The following TMEM74 variants were observed in gnomAD, a reference collection of about 807,000 sequenced individuals.
The protein encoded by TMEM74 is transmembrane protein 74.
Under a neutral mutation model 18.1 loss-of-function variants are expected in TMEM74, and 13 were observed. The ratio of observed to expected loss-of-function variants is 0.72; its 90% CI spans 0.47 to 1.14. The LOEUF (loss-of-function observed/expected upper bound fraction) is 1.14. TMEM74 is among the 50% of genes most tolerant of loss of function. The pLI is 0.00. For missense variants in TMEM74, 372 were observed against 375.9 expected (o/e 0.99, Z 0.09); for synonymous variants, 159 against 146.6 (o/e 1.08, Z -0.61).
Position 108,784,981 on chromosome 8 carries a change from G to C in TMEM74, c.118C>G (p.Leu40Val), listed in dbSNP as rs1356565082. The C allele has an allele frequency of 6.2e-7, 1 of 1,614,160 alleles. No individual in the cohort carries two copies. Among genetic ancestry groups the C allele is most frequent in the South Asian group, 1.1e-5 (1 of 91,066 alleles). The change falls in exon 2 of 2, where the codon CTC (leucine) becomes GTC (valine). Residue 40 changes from leucine (L) to valine (V), a missense_variant. Transcript: ENST00000297459. ...GATGCACACTGTTTCTGACAGCAGA[G>C]AGCAGCTCTTGTGGCTGCTGTATCT... ...QADTAATRAA[L>V]CCQKQCASTP... is the part of the protein sequence containing the mutation.
chr8:108,620,344 T>C (rs1476282018), intron 2 of TMEM74, among the ~76,000 whole-genome samples: 2 of 152,160 alleles, frequency 1.3e-5, no homozygotes, highest in Non-Finnish European at 2.9e-5. Context: ...CAGATATCTC[T>C]GCACGTGTAA....
intron 2 of TMEM74, among the ~76,000 whole-genome samples, chr8:108,643,989 A>G (rs1812691407): frequency 6.6e-6 from 1 of 152,184 alleles, no homozygotes; most frequent in Non-Finnish European, 1.5e-5. Flanking sequence ...TCACAGAATA[A>G]GAAAAAACTA....
chr8:108,755,850 C>T (rs1813954278), intron 1 of TMEM74, among the ~76,000 whole-genome samples: 1 of 151,696 alleles, frequency 6.6e-6, no homozygotes, highest in African/African-American at 2.4e-5. Flanking sequence ...TTAAAATTAA[C>T]TTAAGGTTTA....
chr8:108,613,564 C>G (rs543046453), intron 2 of TMEM74, among the ~76,000 whole-genome samples: 1 of 152,184 alleles, frequency 6.6e-6, no homozygotes. Flanking sequence ...TTTGGATACA[C>G]TTCAGTGATT....
At chr8:108,767,364 C>T (rs1814120471) in intron 1 of TMEM74, among the ~76,000 whole-genome samples, 1 of 152,156 alleles carries the variant, frequency 6.6e-6, no homozygotes, top group African/African-American at 2.4e-5. Context: ...CTTTAATTAT[C>T]ATCAAAAAGC....
downstream of TMEM74, among the ~76,000 whole-genome samples, chr8:108,775,970 A>G (rs1240423245): frequency 1.3e-5 from 2 of 152,232 alleles, no homozygotes; most frequent in Admixed American, 6.5e-5. Flanking sequence ...TGTATTCCAG[A>G]ACAGTTACTT....
intron 2 of TMEM74, among the ~76,000 whole-genome samples, chr8:108,641,823 A>G (rs1320462175): frequency 1.3e-5 from 2 of 152,154 alleles, no homozygotes; most frequent in Non-Finnish European, 2.9e-5. Context: ...AAAAGAGCTC[A>G]TCATTAAGGG....
chr8:108,643,121 A>G (rs557009743), intron 2 of TMEM74, among the ~76,000 whole-genome samples: 1 of 152,338 alleles, frequency 6.6e-6, no homozygotes, highest in South Asian at 2.1e-4. Context: ...GCTAATTTCA[A>G]GAGTATACAG....
intron 2 of TMEM74, among the ~76,000 whole-genome samples, chr8:108,628,514 T>G (rs370045300): frequency 6.9e-4 from 105 of 152,228 alleles, no homozygotes; most frequent in African/African-American, 2.3e-3. Flanking sequence ...TGCCACATTT[T>G]CTTTATCCAG....
At chr8:108,744,659 T>C (rs906346238) in intron 1 of TMEM74, among the ~76,000 whole-genome samples, 6 of 152,304 alleles carry the variant, frequency 3.9e-5, no homozygotes, top group South Asian at 2.1e-4. Flanking sequence ...GACTTAAGTC[T>C]TGTCTTTGTT....
chr8:108,675,285 T>A (rs1797285287), intron 1 of TMEM74, among the ~76,000 whole-genome samples: 3 of 152,170 alleles, frequency 2.0e-5, no homozygotes, highest in Non-Finnish European at 4.4e-5. Flanking sequence ...CAGTATCTTC[T>A]TCTGGGAGAC....
chr8:108,722,481 A>G (rs1356288030), intron 1 of TMEM74, among the ~76,000 whole-genome samples: 1 of 152,216 alleles, frequency 6.6e-6, no homozygotes, highest in Non-Finnish European at 1.5e-5. Flanking sequence ...TTTTTAATGG[A>G]AAGAGCGTAG....
intron 1 of TMEM74, among the ~76,000 whole-genome samples, chr8:108,705,337 T>C (rs999075473): frequency 2.6e-5 from 4 of 152,174 alleles, no homozygotes; most frequent in Admixed American, 6.5e-5. Context: ...TGAAGTCTGT[T>C]TTAGTGTGTT....
chr8:108,682,508 A>T (rs1563524713), intron 1 of TMEM74, among the ~76,000 whole-genome samples: 3 of 152,062 alleles, frequency 2.0e-5, no homozygotes, highest in African/African-American at 7.2e-5. Context: ...AAGCCCTATG[A>T]TGGTAGCAAC....
chr8:108,765,276 T>G (rs546725540), intron 1 of TMEM74, among the ~76,000 whole-genome samples: 36 of 152,264 alleles, frequency 2.4e-4, no homozygotes, highest in African/African-American at 6.5e-4. Flanking sequence ...CTGCTCTCAC[T>G]GTCAGTGATA....
chr8:108,696,436 T>C (rs1055191876), intron 1 of TMEM74, among the ~76,000 whole-genome samples: 1 of 152,240 alleles, frequency 6.6e-6, no homozygotes, highest in Non-Finnish European at 1.5e-5. Context: ...AGATGCCATT[T>C]GAAACTCATT....
chr8:108,729,791 C>A (rs1813676161), intron 1 of TMEM74, among the ~76,000 whole-genome samples: 1 of 152,138 alleles, frequency 6.6e-6, no homozygotes, highest in South Asian at 2.1e-4. Context: ...AGACACCATG[C>A]TACATGCAAT....
Position 108,707,583 on chromosome 8 carries a change from A to G in TMEM74, n.120-52146T>C, listed in dbSNP as rs796427026. Reference sequence around the variant, plus strand: ...ATTTTGTTAAGAATGCCAAAAATACACGATGGAAAAAGGATAGTTTCTTCA... The same window carrying G: ...ATTTTGTTAAGAATGCCAAAAATACGCGATGGAAAAAGGATAGTTTCTTCA... On this transcript the variant is annotated intron_variant and non_coding_transcript_variant, in intron 1 of 3. Coordinates refer to the TMEM74 transcript ENST00000518838. 1.4e-4 allele frequency among the ~76,000 whole-genome samples: 21 copies of G among 152,330 alleles called. 1 individual carries two copies. The highest frequency in any genetic ancestry group is 3.1e-4 in the African/African-American group (13 of 41,586).
chr8:108,699,402 A>G (rs988539096), intron 1 of TMEM74, among the ~76,000 whole-genome samples: 2 of 151,982 alleles, frequency 1.3e-5, no homozygotes, highest in African/African-American at 4.8e-5. Context: ...GACCATGCCT[A>G]AAACACTGAG....
Sources: gnomAD v4.1 joint callset for allele counts (sites outside exome capture counted in the v4.1 genomes callset) on GRCh38, gnomAD v4.1.1 for gene constraint, MANE v1.5 for transcripts, NCBI Gene and HGNC (gene_info 2026-07-23, HGNC 2026-07-21) for gene names.